The following SLC7A2 variants were observed in gnomAD, a reference collection of about 807,000 sequenced individuals.
The protein encoded by SLC7A2 is cationic amino acid transporter 2.
SLC7A2 carries 48 observed loss-of-function variants against 58.9 expected under a neutral mutation model. The observed-to-expected ratio is 0.82, with a 90% CI of 0.65 to 1.04. The LOEUF (loss-of-function observed/expected upper bound fraction) is 1.04. Ranked by LOEUF, SLC7A2 falls within the 50% of genes least tolerant of loss-of-function variation. The pLI is 0.00. For missense variants in SLC7A2, 1,029 were observed against 818.8 expected, an observed-to-expected ratio of 1.26 and a Z score of -3.13; for synonymous variants, 363 against 314.5, an observed-to-expected ratio of 1.15 and a Z score of -1.63.
intron 8 of SLC7A2, chr8:17,555,064 A>G (rs1386637313): frequency 4.3e-6 from 7 of 1,613,634 alleles, no homozygotes; most frequent in Non-Finnish European, 5.9e-6. Context: ...TGCCACGTTG[A>G]CTGCAGGGGT....
intron 2 of SLC7A2, among the ~76,000 whole-genome samples, chr8:17,507,600 C>G (rs768171615): frequency 3.3e-5 from 5 of 152,028 alleles, no homozygotes; most frequent in Non-Finnish European, 7.4e-5. Context: ...GCAAATTACC[C>G]TTATTTGATC....
chr8:17,542,013 G>T (rs935797296), intron 2 of SLC7A2, among the ~76,000 whole-genome samples: 1 of 151,844 alleles, frequency 6.6e-6, no homozygotes, highest in Non-Finnish European at 1.5e-5. Context: ...ATAATATTTG[G>T]CATGGACTTT....
intron 2 of SLC7A2, among the ~76,000 whole-genome samples, chr8:17,536,383 G>A (rs1801667247): frequency 6.6e-6 from 1 of 152,146 alleles, no homozygotes; most frequent in South Asian, 2.1e-4. Context: ...TGGCCAACAT[G>A]GGGAAAACCT....
rs1803236419 is a variant in SLC7A2 at position 17,565,702 on chromosome 8, C to G, written c.*556C>G. On this transcript the variant is annotated 3_prime_UTR_variant, in exon 13 of 13. Transcript: ENST00000494857. ...TAAGATGAGGGGATAAGGAAAGAGA[C>G]TTTTCAATAAGTTGTGAATGCCAAC... 1.3e-5 allele frequency: 2 copies of G among 152,418 alleles called. No homozygotes were observed. Among genetic ancestry groups the G allele is most frequent in the African/African-American group, 4.8e-5 (2 of 41,450 alleles). 9.4% of individuals were successfully genotyped at this position (152,418 alleles called of 1,614,324 possible). A position where few individuals can be genotyped will look rare whatever the true frequency, so the allele number is the denominator to read the frequency against.
At chr8:17,531,272 T>C (rs1256224722) in intron 2 of SLC7A2, among the ~76,000 whole-genome samples, 1 of 152,200 alleles carries the variant, frequency 6.6e-6, no homozygotes, top group Admixed American at 6.5e-5. Context: ...TTGAAAATAC[T>C]GCAGCTGTAC....
intron 6 of SLC7A2, 82 bp downstream of exon 6, chr8:17,550,516 G>T: frequency 3.7e-6 from 5 of 1,351,056 alleles, no homozygotes; most frequent in Non-Finnish European, 5.1e-6. Context: ...AGAGGGTCCA[G>T]GAAAGAGAGA....
At chr8:17,543,951 C>T (rs536294849) in intron 3 of SLC7A2, among the ~76,000 whole-genome samples, 28 of 152,298 alleles carry the variant, frequency 1.8e-4, no homozygotes, top group Non-Finnish European at 1.0e-4. Context: ...TCGCTGCAAC[C>T]TCTGCCTCCT....
At position 17,561,977 on chromosome 8, in the gene SLC7A2, C is replaced by T. The variant is rs764727036; in HGVS notation, c.1538C>T (p.Thr513Ile). 2.5e-6 allele frequency: 4 copies of T among 1,614,134 alleles called. No individual in the cohort carries two copies. The highest frequency in any genetic ancestry group is 3.3e-5 in the Admixed American group (2 of 60,010). ...GTGTTGGGCCTGAGTGTCTTGACCA[C>T]TTACGGAGTTCATGCCATCACCAGG... ...FLVLGLSVLT[T>I]YGVHAITRLE... is the part of the protein sequence containing the mutation. The change falls in exon 11 of 13, where the codon ACT becomes ATT. Residue 513 changes from threonine (T) to isoleucine (I), a missense_variant. Thr to Ile is a moderately conservative substitution (Grantham distance 89). Coordinates refer to ENST00000494857, the MANE Select transcript of SLC7A2 (RefSeq NM_001370338.1).
intron 2 of SLC7A2, among the ~76,000 whole-genome samples, chr8:17,522,359 A>G (rs1458615807): frequency 3.3e-5 from 5 of 152,156 alleles, no homozygotes; most frequent in Non-Finnish European, 7.3e-5. Flanking sequence ...CATAGGAATT[A>G]TGGGAGCTAC....
At chr8:17,532,251 A>AAC (rs1801488589) in intron 2 of SLC7A2, among the ~76,000 whole-genome samples, 1 of 110,250 alleles carries the variant, frequency 9.1e-6, no homozygotes, top group Admixed American at 1.1e-4. Context: ...AAAAAAAAAA[A>AAC]AAAAAAAACC....
At chr8:17,531,579 T>G (rs1365172924) in intron 2 of SLC7A2, among the ~76,000 whole-genome samples, 1 of 152,156 alleles carries the variant, frequency 6.6e-6, no homozygotes, top group Non-Finnish European at 1.5e-5. Context: ...GATCAATGAT[T>G]CCAAAATAGT....
At chr8:17,495,168 CA>C (rs1799927334), upstream of SLC7A2, among the ~76,000 whole-genome samples, 1 of 151,844 alleles carries the variant, frequency 6.6e-6, no homozygotes, top group Admixed American at 6.6e-5. Flanking sequence ...CAATGTTGAC[CA>C]GGTTGGCCTC....
At chr8:17,533,336 T>G (rs1801535770) in intron 2 of SLC7A2, among the ~76,000 whole-genome samples, 1 of 152,208 alleles carries the variant, frequency 6.6e-6, no homozygotes, top group Admixed American at 6.5e-5. Context: ...GACCATTTTG[T>G]TTCAATAAAT....
rs760325972 is a variant in SLC7A2, at chr8:17,558,406, C to T, written c.1298+9C>T. 7.6e-6 allele frequency: 12 copies of T among 1,573,598 alleles called. No homozygotes were observed. The Admixed American group carries it at 1.8e-4, about 24-fold the overall frequency. On this transcript the variant is annotated intron_variant, in intron 9 of 12. Coordinates refer to ENST00000494857, the MANE Select transcript of SLC7A2 (RefSeq NM_001370338.1). ...TGTGTTCTCATCCTCAGGTGAGTCACCTGGTGGTTCTACAGGGTGTACCAT... is the reference window on the plus strand; with the variant it reads ...TGTGTTCTCATCCTCAGGTGAGTCATCTGGTGGTTCTACAGGGTGTACCAT...
intron 7 of SLC7A2, among the ~76,000 whole-genome samples, chr8:17,553,127 C>T (rs1410583711): frequency 6.6e-6 from 1 of 152,160 alleles, no homozygotes; most frequent in East Asian, 1.9e-4. Context: ...AATCATAGTT[C>T]ACTGAGGCTC....
chr8:17,558,990 A>G (rs1211332798), intron 9 of SLC7A2, among the ~76,000 whole-genome samples: 1 of 152,260 alleles, frequency 6.6e-6, no homozygotes, highest in Non-Finnish European at 1.5e-5. Context: ...TAGACATTAT[A>G]TGCCTGGATG....
At chr8:17,525,557 C>T (rs1801188866) in intron 2 of SLC7A2, among the ~76,000 whole-genome samples, 2 of 152,182 alleles carry the variant, frequency 1.3e-5, no homozygotes, top group Admixed American at 1.3e-4. Flanking sequence ...GTGGCGAGTC[C>T]TGAGGGAGGT....
chr8:17,496,863 C>G (rs1224001247), upstream of SLC7A2, among the ~76,000 whole-genome samples: 2 of 151,996 alleles, frequency 1.3e-5, no homozygotes, highest in Non-Finnish European at 2.9e-5. Context: ...CGCCCACCGG[C>G]CTAGCCCGGG....
intron 2 of SLC7A2, among the ~76,000 whole-genome samples, chr8:17,531,252 GTCT>G (rs1416659821): frequency 6.6e-6 from 1 of 152,132 alleles, no homozygotes; most frequent in Non-Finnish European, 1.5e-5. Context: ...TCTTCTTACA[GTCT>G]TCTTATTTGA....
Sources: gnomAD v4.1 joint callset for allele counts (sites outside exome capture counted in the v4.1 genomes callset) on GRCh38, gnomAD v4.1.1 for gene constraint, MANE v1.5 for transcripts, NCBI Gene and HGNC (gene_info 2026-07-23, HGNC 2026-07-21) for gene names.